The following INSC variants were observed in gnomAD, a reference collection of about 807,000 sequenced individuals.
INSC encodes the protein protein inscuteable homolog.
Under a neutral mutation model 58.6 loss-of-function variants are expected in INSC, and 67 were observed. The observed-to-expected ratio is 1.14, with a 90% CI of 0.94 to 1.40. INSC has a LOEUF of 1.40. INSC is among the 40% of genes most tolerant of loss of function. INSC has a pLI of 0.00. For synonymous variants in INSC, 262 were observed against 276.1 expected (o/e 0.95, Z 0.51); for missense variants, 714 against 692.0 (o/e 1.03, Z -0.36).
At position 15,225,816 on chromosome 11, in the gene INSC, C is replaced by T. The variant is rs749120912; in HGVS notation, c.1158C>T (p.Tyr386=). 2.5e-6 allele frequency: 4 copies of T among 1,612,468 alleles called. No homozygotes were observed. Among genetic ancestry groups the T allele is most frequent in the Admixed American group, 1.7e-5 (1 of 59,880 alleles). The change falls in exon 9 of 13, where the codon TAC becomes TAT. Residue 386 remains tyrosine (Y), a synonymous_variant. Coordinates refer to ENST00000379556, the MANE Select transcript of INSC (RefSeq NM_001042536.3). ...CSDKQRVDTP[Y]TRDQIVTILA... is the part of the protein sequence containing the mutation. ...ACAAGCAGAGAGTGGACACGCCTTA[C>T]ACTCGGGACCAGGTAAGACGCCCAG...
At chr11:15,231,514 A>T (rs562254236) in intron 9 of INSC, among the ~76,000 whole-genome samples, 4 of 152,260 alleles carry the variant, frequency 2.6e-5, no homozygotes, top group Admixed American at 6.5e-5. Flanking sequence ...CATGGGTTGG[A>T]CAAGCTTGCT....
chr11:15,262,673 C>CACACACACACAT, the INSC span, among the ~76,000 whole-genome samples: 4 of 151,714 alleles, frequency 2.6e-5, no homozygotes, highest in Admixed American at 2.6e-4. Context: ...CACACACACA[C>CACACACACACAT]ACACACACAC....
chr11:15,214,272 A>G (rs1475212148), intron 7 of INSC, among the ~76,000 whole-genome samples: 1 of 152,200 alleles, frequency 6.6e-6, no homozygotes, highest in Non-Finnish European at 1.5e-5. Context: ...ATTTTCCTGC[A>G]GCCTTTAGAT....
the INSC span, among the ~76,000 whole-genome samples, chr11:15,258,705 G>C: frequency 6.7e-6 from 1 of 150,182 alleles, no homozygotes; most frequent in Non-Finnish European, 1.5e-5. Context: ...TCTGGAGCAG[G>C]AGAACTCCCA....
intron 1 of INSC, among the ~76,000 whole-genome samples, chr11:15,128,085 C>A (rs1336602685): frequency 6.6e-6 from 1 of 152,016 alleles, no homozygotes; most frequent in Non-Finnish European, 1.5e-5. Flanking sequence ...TTTATCCTCT[C>A]TGGGCCTCAA....
intron 2 of INSC, among the ~76,000 whole-genome samples, chr11:15,153,356 C>T (rs759712325): frequency 5.9e-5 from 9 of 152,176 alleles, no homozygotes; most frequent in Non-Finnish European, 1.3e-4. Context: ...CTCCTGGTTG[C>T]CCATGGCTAG....
intron 7 of INSC, among the ~76,000 whole-genome samples, chr11:15,206,560 C>T (rs1427493864): frequency 1.3e-5 from 2 of 152,126 alleles, no homozygotes; most frequent in African/African-American, 4.8e-5. Flanking sequence ...AGTAAGGGCC[C>T]CAGAGCCACA....
chr11:15,191,883 T>A (rs1254717214), intron 6 of INSC, among the ~76,000 whole-genome samples: 1 of 152,196 alleles, frequency 6.6e-6, no homozygotes, highest in South Asian at 2.1e-4. Context: ...TCTATTGTTT[T>A]TTCACCAAAG....
chr11:15,203,870 TA>T (rs1290091532), intron 7 of INSC, among the ~76,000 whole-genome samples: 2 of 151,892 alleles, frequency 1.3e-5, no homozygotes, highest in Non-Finnish European at 2.9e-5. Flanking sequence ...AGAAGAAGAA[TA>T]AAATTCTGTG....
chr11:15,210,099 G>GT (rs1393171729), intron 7 of INSC, among the ~76,000 whole-genome samples: 1 of 152,208 alleles, frequency 6.6e-6, no homozygotes, highest in Non-Finnish European at 1.5e-5. Flanking sequence ...CCTGAGATAA[G>GT]TCAGATGAGT....
intron 1 of INSC, among the ~76,000 whole-genome samples, chr11:15,131,974 A>T (rs1362102155): frequency 6.6e-6 from 1 of 152,134 alleles, no homozygotes; most frequent in Non-Finnish European, 1.5e-5. Flanking sequence ...TTACACATTG[A>T]TATTCCCTTT....
chr11:15,238,590 T>C (rs1479551725), intron 10 of INSC, among the ~76,000 whole-genome samples: 2 of 152,202 alleles, frequency 1.3e-5, no homozygotes, highest in Non-Finnish European at 2.9e-5. Flanking sequence ...TGGTACCTAA[T>C]ACATGAGGCT....
chr11:15,170,929 A>T (rs949936123), intron 2 of INSC, among the ~76,000 whole-genome samples: 1 of 152,200 alleles, frequency 6.6e-6, no homozygotes, highest in Admixed American at 6.5e-5. Context: ...TAGTTCTGTC[A>T]CTCCAATTCT....
At chr11:15,185,593 G>C (rs1484566215) in intron 5 of INSC, among the ~76,000 whole-genome samples, 1 of 151,864 alleles carries the variant, frequency 6.6e-6, no homozygotes, top group Non-Finnish European at 1.5e-5. Context: ...AGTGTGATAA[G>C]GGTGATCAAT....
rs1564927764 is a variant in INSC, at chr11:15,246,044, G to C, written c.*4G>C. 2 of 1,614,060 alleles carry C rather than the reference G, an allele frequency of 1.2e-6. No homozygotes were observed. Among genetic ancestry groups the C allele is most frequent in the Non-Finnish European group, 8.5e-7 (1 of 1,179,968 alleles). On this transcript the variant is annotated 3_prime_UTR_variant, in exon 13 of 13. Transcript: ENST00000379556. ...CATGGAGGAGAGTTTTGTGTAGTGA[G>C]TGTGGGCGAAGAAATACATTTGGCT...
chr11:15,203,615 A>G (rs1209545678), intron 7 of INSC, among the ~76,000 whole-genome samples: 7 of 152,254 alleles, frequency 4.6e-5, no homozygotes, highest in African/African-American at 1.4e-4. Flanking sequence ...GAAATCATAC[A>G]TTATGTAATT....
At chr11:15,263,524 C>T in the INSC span, among the ~76,000 whole-genome samples, 7 of 152,252 alleles carry the variant, frequency 4.6e-5, no homozygotes, top group African/African-American at 1.7e-4. Context: ...GTTGGAACAA[C>T]AGCCAGTTTC....
At chr11:15,156,881 A>G (rs749515533) in intron 2 of INSC, among the ~76,000 whole-genome samples, 2 of 152,222 alleles carry the variant, frequency 1.3e-5, no homozygotes, top group Admixed American at 6.5e-5. Context: ...ATTTCTTGGT[A>G]TGAGACTTTG....
intron 12 of INSC, 55 bp from the exon 13 acceptor site, chr11:15,245,857 A>G (rs1590022078): frequency 1.3e-6 from 2 of 1,580,914 alleles, no homozygotes; most frequent in South Asian, 1.1e-5. Context: ...AAGGAAATAC[A>G]TGTACCTGAC....
Sources: gnomAD v4.1 joint callset for allele counts (sites outside exome capture counted in the v4.1 genomes callset) on GRCh38, gnomAD v4.1.1 for gene constraint, MANE v1.5 for transcripts, NCBI Gene and HGNC (gene_info 2026-07-23, HGNC 2026-07-21) for gene names.